Variants in OR7G2 observed in about 807,000 individuals in gnomAD.
OR7G2 encodes the protein olfactory receptor family 7 subfamily G member 2, also known as olfactory receptor 7G2.
For synonymous variants in OR7G2, 153 were observed against 152.2 expected (o/e 1.01, Z -0.04); for missense variants, 362 against 384.0 (o/e 0.94, Z 0.48).
intron 1 of OR7G2, among the ~76,000 whole-genome samples, chr19:9,105,090 C>T (rs1011243707): frequency 6.6e-6 from 1 of 151,892 alleles, no homozygotes; most frequent in African/African-American, 2.4e-5. Flanking sequence ...CCTGCCTCGT[C>T]CTCCAAAGTA....
rs1221358763 is a variant in OR7G2 at position 9,103,111 on chromosome 19, T to A, written c.133A>T (p.Ile45Phe). Reference protein sequence around the residue: ...YLVTILGNLLILLAVISDSHL... With the variant: ...YLVTILGNLLFLLAVISDSHL... ...GAGTCAGAGATGACAGCCAAGAGGA[T>A]GAGCAGGTTCCCCAGGATGGTGACC... The change falls in exon 2 of 2, where the codon ATC becomes TTC. Residue 45 changes from isoleucine to phenylalanine, a missense_variant. Ile to Phe is a conservative substitution (Grantham distance 21, BLOSUM62 0). Coordinates refer to ENST00000641081, the MANE Select transcript of OR7G2 (RefSeq NM_001005193.2). The A allele has an allele frequency of 1.2e-6, 2 of 1,613,992 alleles. No homozygotes were observed. The highest frequency in any genetic ancestry group is 1.7e-6 in the Non-Finnish European group (2 of 1,179,984).
Position 9,103,165 on chromosome 19 carries a change from G to T in OR7G2, c.79C>A (p.Leu27Ile). ...TACATGGACAGGAACAGGCTGAAAAGGACGGGCTGCAGTTCCGGATCCTCT... is the reference window on the plus strand; with the variant it reads ...TACATGGACAGGAACAGGCTGAAAATGACGGGCTGCAGTTCCGGATCCTCT... ...LIEDPELQPV[L>I]FSLFLSMYLV... The change falls in exon 2 of 2, where the codon CTT becomes ATT. Residue 27 changes from leucine to isoleucine, a missense_variant. Leu to Ile is a conservative substitution (Grantham distance 5). Coordinates refer to ENST00000641081, the MANE Select transcript of OR7G2 (RefSeq NM_001005193.2). 6.2e-7 allele frequency: 1 copy of T among 1,614,150 alleles called. No homozygotes were observed. Among genetic ancestry groups the T allele is most frequent in the Non-Finnish European group, 8.5e-7 (1 of 1,180,020 alleles).
intron 1 of OR7G2, 126 bp from the exon 2 acceptor site, chr19:9,103,385 C>T (rs1450738531): frequency 2.2e-5 from 18 of 806,558 alleles, no homozygotes; most frequent in East Asian, 8.0e-5. Context: ...GGATGAGAAC[C>T]GACAGTTTAT....
rs2050351076 is a variant in OR7G2 at position 9,101,000 on chromosome 19, G to T, written c.*1269C>A. Reference sequence around the variant, plus strand: ...ACCACACCCCACACTGGACGTGGTGGTGCATGCCTGGAGTCCTAGCTTCCT... The same window carrying T: ...ACCACACCCCACACTGGACGTGGTGTTGCATGCCTGGAGTCCTAGCTTCCT... On this transcript the variant is annotated 3_prime_UTR_variant, in exon 2 of 2. Coordinates refer to ENST00000641081, the MANE Select transcript of OR7G2 (RefSeq NM_001005193.2). The T allele has an allele frequency of 6.6e-6, 1 of 152,240 alleles. No individual in the cohort carries two copies. 9.4% of individuals were successfully genotyped at this position (152,240 alleles called of 1,614,324 possible). A position where few individuals can be genotyped will look rare whatever the true frequency, so the allele number is the denominator to read the frequency against.
At position 9,102,998 on chromosome 19, in the gene OR7G2, C is replaced by G. The variant is rs1421408986; in HGVS notation, c.246G>C (p.Leu82=). 1 of 1,614,094 alleles carries G rather than the reference C, an allele frequency of 6.2e-7. No homozygotes were observed. Among genetic ancestry groups the G allele is most frequent in the Non-Finnish European group, 8.5e-7 (1 of 1,180,020 alleles). The change falls in exon 2 of 2, where the codon CTG becomes CTC. Residue 82 remains leucine, a synonymous_variant. Coordinates refer to ENST00000641081, the MANE Select transcript of OR7G2 (RefSeq NM_001005193.2). ...TCCGATTCTGAGCTTGGATGTTCAC[C>G]AGCATCTTTGGGATCGTGGTTGTGC... ...CLSTTTIPKM[L]VNIQAQNRSI...
intron 1 of OR7G2, among the ~76,000 whole-genome samples, chr19:9,105,086 TC>T (rs1257035702): frequency 1.3e-5 from 2 of 151,922 alleles, no homozygotes; most frequent in Non-Finnish European, 2.9e-5. Flanking sequence ...TTTTCCTGCC[TC>T]GTCCTCCAAA....
chr19:9,103,070 G>A lies in OR7G2; in HGVS notation c.174C>T (p.Pro58=). ...AGAGATTGGAGAGGAAGAAGTACAT[G>A]GGGGTGTGGAGGTGAGAGTCAGAGA... is the stretch of plus-strand genomic sequence containing the variant. ...AVISDSHLHT[P]MYFFLSNLSF... The change falls in exon 2 of 2, where the codon CCC becomes CCT. Residue 58 remains proline (P), a synonymous_variant. Transcript: ENST00000641081. 6.2e-7 allele frequency: 1 copy of A among 1,614,076 alleles called. No homozygotes were observed. Among genetic ancestry groups the A allele is most frequent in the Non-Finnish European group, 8.5e-7 (1 of 1,179,984 alleles).
In OR7G2 at chr19:9,102,489, T is replaced by C. The variant is rs762450656; in HGVS notation, c.755A>G (p.Tyr252Cys). Residue 252 changes from tyrosine (Y) to cysteine (C), a missense_variant, in exon 2 of 2, where the codon TAT (tyrosine) becomes TGT (cysteine). Coordinates refer to ENST00000641081, the MANE Select transcript of OR7G2 (RefSeq NM_001005193.2). The part of the protein sequence containing the change: ...GSHLSIVLLF[Y>C]GAGLGVYISS... ...AATGTACACCCCCAAACCTGCCCCA[T>C]AGAACAAGAGAACAATGGAGAGGTG... 5 of 1,614,010 alleles carry C rather than the reference T, an allele frequency of 3.1e-6. No individual in the cohort carries two copies. The highest frequency in any genetic ancestry group is 2.2e-5 in the East Asian group (1 of 44,872).
At chr19:9,105,862 T>C (rs1368684444) in intron 1 of OR7G2, among the ~76,000 whole-genome samples, 8 of 148,660 alleles carry the variant, frequency 5.4e-5, no homozygotes, top group Non-Finnish European at 1.2e-4. Flanking sequence ...AAAAAAAAGT[T>C]TAGCTTGTTT....
At chr19:9,103,864 ATG>A (rs1302394226) in intron 1 of OR7G2, among the ~76,000 whole-genome samples, 22 of 118,110 alleles carry the variant, frequency 1.9e-4, no homozygotes, top group East Asian at 7.8e-4. Flanking sequence ...AAATGTGGAA[ATG>A]TTTTTTTTTT....
rs139527883 is a variant in OR7G2 at position 9,104,183 on chromosome 19, G to A, written c.-16-924C>T. Among the ~76,000 whole-genome samples, 460 of 152,146 alleles carry A rather than the reference G, an allele frequency of 3.0e-3. 2 individuals carry two copies. Among genetic ancestry groups the A allele is most frequent in the African/African-American group, 0.011 (438 of 41,524 alleles). Reference sequence around the variant, plus strand: ...ATTACAGGTGTGAGCCATCACGCTCGGCCAAAGAATGTGGAAATCTTTTAT... The same window carrying A: ...ATTACAGGTGTGAGCCATCACGCTCAGCCAAAGAATGTGGAAATCTTTTAT... On this transcript the variant is annotated intron_variant, in intron 1 of 1. Coordinates refer to ENST00000641081, the MANE Select transcript of OR7G2 (RefSeq NM_001005193.2).
chr19:9,102,907 A>G lies in OR7G2; in HGVS notation c.337T>C (p.Cys113Arg). 1 of 1,614,150 alleles carries G rather than the reference A, an allele frequency of 6.2e-7. No individual in the cohort carries two copies. Among genetic ancestry groups the G allele is most frequent in the Non-Finnish European group, 8.5e-7 (1 of 1,180,026 alleles). Residue 113 changes from cysteine (C) to arginine (R), a missense_variant, in exon 2 of 2, where the codon TGT becomes CGT. Physicochemically the swap from Cys to Arg is radical, Grantham distance 180. Coordinates refer to ENST00000641081, the MANE Select transcript of OR7G2 (RefSeq NM_001005193.2). ...TCATAGGCCATTGCTGCAAGGAGAC[A>G]ATTTTCCAAGCCAGCAAAAAACAAG... ...FVLFFAGLEN[C>R]LLAAMAYDRY...
chr19:9,105,183 T>G (rs1199382919), intron 1 of OR7G2, among the ~76,000 whole-genome samples: 2 of 152,024 alleles, frequency 1.3e-5, no homozygotes, highest in African/African-American at 4.8e-5. Context: ...TTAGCCAGAC[T>G]GGTCTGGAAC....
chr19:9,104,782 G>T (rs77023887), intron 1 of OR7G2, among the ~76,000 whole-genome samples: 44,005 of 151,168 alleles, frequency 0.29, 7,173 homozygotes, highest in East Asian at 0.59. Flanking sequence ...AGCCGAGATC[G>T]CGCCACTGCA....
At chr19:9,105,145 AT>A (rs2050379110) in intron 1 of OR7G2, among the ~76,000 whole-genome samples, 1 of 151,544 alleles carries the variant, frequency 6.6e-6, no homozygotes, top group Admixed American at 6.6e-5. Flanking sequence ...TAATTTTTGT[AT>A]TTTTAGTAGA....
At position 9,101,823 on chromosome 19, in the gene OR7G2, T is replaced by TA. The variant is rs2050355597; in HGVS notation, c.*445dup. The TA allele has an allele frequency of 6.4e-6, 1 of 157,436 alleles. No homozygotes were observed. Among genetic ancestry groups the TA allele is most frequent in the Non-Finnish European group, 1.4e-5 (1 of 71,264 alleles). The allele number at this position is 157,436 out of a possible 1,614,324, so 9.8% of individuals were successfully genotyped here. ...ATGTCCATCATCACAGATCCAGACA[T>TA]AAAAAGCAAAGTCAGATTTCAAGCC... is the stretch of plus-strand genomic sequence containing the variant. On this transcript the variant is annotated 3_prime_UTR_variant, in exon 2 of 2. Transcript: ENST00000641081.
At chr19:9,103,303 G>A (rs759978193) in intron 1 of OR7G2, 44 bp from the exon 2 acceptor site, 1 of 1,608,758 alleles carries the variant, frequency 6.2e-7, no homozygotes, top group Non-Finnish European at 8.5e-7. Context: ...AGCTGCATCG[G>A]CATCACTCGA....
chr19:9,104,602 C>T (rs1489070610), intron 1 of OR7G2, among the ~76,000 whole-genome samples: 1 of 151,760 alleles, frequency 6.6e-6, no homozygotes, highest in Non-Finnish European at 1.5e-5. Flanking sequence ...CCGAGGCGGG[C>T]AGATCACGGG....
chr19:9,107,215 A>G (rs1226380489), intron 1 of OR7G2, 99 bp downstream of exon 1: 1 of 152,108 alleles, frequency 6.6e-6, no homozygotes, highest in Non-Finnish European at 1.5e-5. Context: ...AAAAACCCCA[A>G]AAAACAAAAC....
Sources: allele counts gnomAD v4.1 joint callset (sites outside exome capture counted in the v4.1 genomes callset), GRCh38; gene constraint gnomAD v4.1.1; transcripts MANE v1.5; gene names NCBI Gene and HGNC (gene_info 2026-07-23, HGNC 2026-07-21).